Variants in TG observed in about 807,000 individuals in gnomAD.
TG encodes thyroglobulin.
TG carries 270 observed loss-of-function variants against 324.7 expected under a neutral mutation model. The ratio of observed to expected loss-of-function variants is 0.83; its 90% CI spans 0.75 to 0.92. The LOEUF (loss-of-function observed/expected upper bound fraction) is 0.92. TG is among the 40% of genes least tolerant of loss of function. The pLI, the probability that TG is intolerant of heterozygous loss-of-function variation, is 0.00. For missense variants in TG, 3,591 were observed against 3,456.4 expected (o/e 1.04, Z -0.98); for synonymous variants, 1,401 against 1,327.0 (o/e 1.06, Z -1.21).
At chr8:133,047,869 C>A in intron 41 of TG, 3 of 1,612,484 alleles carry the variant, frequency 1.9e-6, no homozygotes, top group Non-Finnish European at 2.5e-6. Context: ...AAGGAGCCGA[C>A]CTTTGTGTCT....
rs2896681 is a variant in TG at position 132,987,083 on chromosome 8, T to A, written c.6262+3671T>A. Reference sequence around the variant, plus strand: ...AAAAGAAAAAAAAAAAGATGGAGCATGGAGCATGTCCTTTCACATATACAC... The same window carrying A: ...AAAAGAAAAAAAAAAAGATGGAGCAAGGAGCATGTCCTTTCACATATACAC... On this transcript the variant is annotated intron_variant, in intron 35 of 47. Coordinates refer to ENST00000220616, the MANE Select transcript of TG (RefSeq NM_003235.5). Among the ~76,000 whole-genome samples the A allele has an allele frequency of 4.1e-3, 622 of 151,470 alleles. 7 individuals carry two copies. The highest frequency in any genetic ancestry group is 0.014 in the African/African-American group (592 of 41,314).
intron 41 of TG, among the ~76,000 whole-genome samples, chr8:133,041,613 G>A (rs985684520): frequency 6.6e-6 from 1 of 152,174 alleles, no homozygotes; most frequent in Admixed American, 6.5e-5. Flanking sequence ...GTGCAGCACA[G>A]GCAGGGGACA....
intron 41 of TG, among the ~76,000 whole-genome samples, chr8:133,065,495 C>T (rs1316283780): frequency 6.6e-6 from 1 of 152,210 alleles, no homozygotes; most frequent in Non-Finnish European, 1.5e-5. Context: ...GGCGCGGTGG[C>T]TCACACCTGT....
chr8:133,070,028 AAAG>A (rs1843746998), intron 41 of TG, among the ~76,000 whole-genome samples: 1 of 43,700 alleles, frequency 2.3e-5, no homozygotes. Context: ...AAAAAAAAAG[AAAG>A]AAAGAAAGAA....
intron 8 of TG, among the ~76,000 whole-genome samples, chr8:132,883,570 G>C (rs1449096075): frequency 7.9e-5 from 12 of 152,150 alleles, no homozygotes; most frequent in African/African-American, 7.2e-5. Flanking sequence ...TGGTGCTCCG[G>C]ACTCTGAAGA....
intron 43 of TG, chr8:133,102,591 G>T (rs574604501): frequency 2.3e-5 from 36 of 1,550,028 alleles, no homozygotes; most frequent in Non-Finnish European, 3.0e-5. Flanking sequence ...TTCTCCATTC[G>T]CAGCAAATGA....
At chr8:132,874,825 C>T (rs1422389149) in intron 5 of TG, among the ~76,000 whole-genome samples, 1 of 152,194 alleles carries the variant, frequency 6.6e-6, no homozygotes, top group Non-Finnish European at 1.5e-5. Flanking sequence ...TGAGAGGCTG[C>T]ACGCACGCAC....
At chr8:133,007,313 G>C (rs1303587614) in intron 35 of TG, among the ~76,000 whole-genome samples, 1 of 152,080 alleles carries the variant, frequency 6.6e-6, no homozygotes, top group East Asian at 1.9e-4. Flanking sequence ...TTTTTAATGT[G>C]TTTTTAAATT....
At chr8:133,073,527 A>G (rs1394643838) in intron 41 of TG, among the ~76,000 whole-genome samples, 1 of 152,056 alleles carries the variant, frequency 6.6e-6, no homozygotes, top group African/African-American at 2.4e-5. Context: ...AAGCCCAGCT[A>G]ATTTTTGTAT....
intron 41 of TG, among the ~76,000 whole-genome samples, chr8:133,039,775 A>T (rs1263720678): frequency 6.6e-6 from 1 of 152,124 alleles, no homozygotes; most frequent in South Asian, 2.1e-4. Flanking sequence ...AAACAGGGGG[A>T]GCTGCCACAC....
In TG at chr8:133,133,590, T is replaced by C. The variant is rs757150036; in HGVS notation, c.8118T>C (p.Asn2706=). 2.5e-6 allele frequency: 4 copies of C among 1,614,172 alleles called. No individual in the cohort carries two copies. Among genetic ancestry groups the C allele is most frequent in the Non-Finnish European group, 3.4e-6 (4 of 1,180,026 alleles). The change falls in exon 47 of 48, where the codon AAT becomes AAC. Residue 2706 remains asparagine, a synonymous_variant. Coordinates refer to ENST00000220616, the MANE Select transcript of TG (RefSeq NM_003235.5). ...NYKEFSELLP[N]RQGLKKADCS... The stretch of plus-strand genomic sequence containing the variant: ...AGGAGTTCAGTGAGCTGCTCCCCAA[T>C]CGACAGGGCCTGAAGAAAGCCGACT...
Position 132,929,203 on chromosome 8 carries a change from G to A in TG, c.4816+11G>A. On this transcript the variant is annotated intron_variant, in intron 23 of 47. Coordinates refer to ENST00000220616, the MANE Select transcript of TG (RefSeq NM_003235.5). ...TGCAGTGCTTGACAGGTGAGGAGTGGTGGGGAGATATGCACTCAGAAGAAG... is the reference window on the plus strand; with the variant it reads ...TGCAGTGCTTGACAGGTGAGGAGTGATGGGGAGATATGCACTCAGAAGAAG... 1 of 1,604,530 alleles carries A rather than the reference G, an allele frequency of 6.2e-7. No individual in the cohort carries two copies. Among genetic ancestry groups the A allele is most frequent in the Non-Finnish European group, 8.5e-7 (1 of 1,171,218 alleles).
intron 34 of TG, among the ~76,000 whole-genome samples, chr8:132,975,589 G>A (rs1234729061): frequency 3.9e-5 from 6 of 152,212 alleles, no homozygotes; most frequent in African/African-American, 7.2e-5. Context: ...CATTGACTGA[G>A]CGTTAATCAT....
intron 26 of TG, among the ~76,000 whole-genome samples, chr8:132,946,876 G>T (rs1156782154): frequency 1.3e-5 from 2 of 152,128 alleles, no homozygotes; most frequent in Non-Finnish European, 2.9e-5. Context: ...GGGACATTTG[G>T]CACTAGTTAA....
At chr8:132,963,670 AGTGTGTGT>A (rs57531255) in intron 29 of TG, among the ~76,000 whole-genome samples, 6 of 145,184 alleles carry the variant, frequency 4.1e-5, no homozygotes, top group Admixed American at 2.1e-4. Context: ...TGTGGTCTGC[AGTGTGTGT>A]GTGTGTGTGT....
intron 41 of TG, among the ~76,000 whole-genome samples, chr8:133,065,992 G>T (rs1460807645): frequency 6.6e-6 from 1 of 152,086 alleles, no homozygotes; most frequent in Non-Finnish European, 1.5e-5. Context: ...AGCGAGGCCA[G>T]TTGAGGCATG....
intron 41 of TG, chr8:133,039,966 C>T (rs2131071500): frequency 6.5e-7 from 1 of 1,530,058 alleles, no homozygotes; most frequent in Non-Finnish European, 8.8e-7. Context: ...CACACACACA[C>T]ACACACACAC....
At chr8:132,946,557 G>C (rs1042057912) in intron 26 of TG, among the ~76,000 whole-genome samples, 1 of 152,170 alleles carries the variant, frequency 6.6e-6, no homozygotes, top group Non-Finnish European at 1.5e-5. Context: ...CTTTACCACA[G>C]TCTGGAAAGT....
At chr8:132,874,423 T>C (rs1241759725) in intron 5 of TG, among the ~76,000 whole-genome samples, 1 of 152,216 alleles carries the variant, frequency 6.6e-6, no homozygotes, top group East Asian at 1.9e-4. Flanking sequence ...TGGTTTCTTG[T>C]AAAGGGTTCA....
Sources: allele counts gnomAD v4.1 joint callset (sites outside exome capture counted in the v4.1 genomes callset), GRCh38; gene constraint gnomAD v4.1.1; transcripts MANE v1.5; gene names NCBI Gene and HGNC (gene_info 2026-07-23, HGNC 2026-07-21).